Variants in HEATR4 observed in about 807,000 individuals in gnomAD.
HEATR4 encodes the protein HEAT repeat-containing protein 4.
In HEATR4, 95 loss-of-function variants were observed where a neutral mutation model predicts 108.8. The observed-to-expected ratio is 0.87, with a 90% confidence interval of 0.74 to 1.04. HEATR4 has a LOEUF of 1.04. Among genes scored for constraint, HEATR4 ranks in the 50% least tolerant of loss-of-function variants. The pLI, the probability that HEATR4 is intolerant of heterozygous loss-of-function variation, is 0.00. For missense variants in HEATR4, 1,152 were observed against 1,253.8 expected (o/e 0.92, Z 1.23); for synonymous variants, 443 against 459.4 (o/e 0.96, Z 0.46).
At chr14:73,630,919 C>T in the HEATR4 span, among the ~76,000 whole-genome samples, 2 of 152,094 alleles carry the variant, frequency 1.3e-5, no homozygotes, top group Admixed American at 6.6e-5. Flanking sequence ...TGAGCCCCAA[C>T]AATATTTATG....
chr14:73,590,008 G>C, the HEATR4 span, among the ~76,000 whole-genome samples: 1 of 152,174 alleles, frequency 6.6e-6, no homozygotes, highest in African/African-American at 2.4e-5. Flanking sequence ...GAGTGTTACA[G>C]CTCACAACAG....
chr14:73,495,601 C>T (rs532813838), intron 15 of HEATR4, among the ~76,000 whole-genome samples: 1 of 151,524 alleles, frequency 6.6e-6, no homozygotes, highest in South Asian at 2.1e-4. Context: ...AAAGAAGTAA[C>T]TAATTGCATA....
the HEATR4 span, chr14:73,619,971 GCA>G: frequency 8.4e-6 from 9 of 1,071,250 alleles, no homozygotes; most frequent in South Asian, 5.3e-5. Context: ...GAGTGCAGTG[GCA>G]TAATCTTGGC....
At chr14:73,569,475 G>T in the HEATR4 span, 37 of 1,612,898 alleles carry the variant, frequency 2.3e-5, no homozygotes, top group Non-Finnish European at 2.5e-5. Context: ...CTGCTGGGAC[G>T]AACCGGTGCG....
rs751814732 is a variant in HEATR4 at position 73,522,978 on chromosome 14, G to A, written c.175C>T (p.Arg59Cys). Residue 59 changes from arginine to cysteine, a missense_variant, in exon 3 of 18, where the codon CGC becomes TGC. Transcript: ENST00000553558. Reference protein sequence around the residue: ...VFFSSQYRLHRKSQYLKMAAA... With the variant: ...VFFSSQYRLHCKSQYLKMAAA... ...GCCATTTTCAAATATTGGCTCTTGC[G>A]GTGTAGACGGTACTGTGAGCTGAAG... 19 of 1,614,196 alleles carry A rather than the reference G, an allele frequency of 1.2e-5. No homozygotes were observed. The highest frequency in any genetic ancestry group is 7.7e-5 in the South Asian group (7 of 91,088).
intron 17 of HEATR4, among the ~76,000 whole-genome samples, chr14:73,479,708 G>C (rs1885172762): frequency 6.6e-6 from 1 of 152,122 alleles, no homozygotes; most frequent in South Asian, 2.1e-4. Context: ...GGGATTACAG[G>C]CATGAGCCTC....
chr14:73,491,935 T>C (rs1366733978), intron 17 of HEATR4: 1 of 1,613,670 alleles, frequency 6.2e-7, no homozygotes, highest in African/African-American at 1.3e-5. Flanking sequence ...CTTTCTCTAC[T>C]ACTGTGTGGC....
At chr14:73,513,755 A>AAAAAAAAAAT (rs1887416266) in intron 6 of HEATR4, among the ~76,000 whole-genome samples, 1 of 148,656 alleles carries the variant, frequency 6.7e-6, no homozygotes. Context: ...AAAAAAAAAA[A>AAAAAAAAAAT]AATGGTCTCT....
chr14:73,493,052 G>A lies in HEATR4; in HGVS notation c.2844+14C>T, dbSNP rs754494586. 12 of 1,597,008 alleles carry A rather than the reference G, an allele frequency of 7.5e-6. No homozygotes were observed. The highest frequency in any genetic ancestry group is 1.0e-5 in the Non-Finnish European group (12 of 1,174,042). Reference sequence around the variant, plus strand: ...CGTTCTTACCTTGATAAGCATCAGTGTGCTCACATTTACCTTTATCACTGC... The same window carrying A: ...CGTTCTTACCTTGATAAGCATCAGTATGCTCACATTTACCTTTATCACTGC... On this transcript the variant is annotated intron_variant, in intron 17 of 17. Coordinates refer to ENST00000553558, the MANE Select transcript of HEATR4 (RefSeq NM_001220484.1).
chr14:73,605,505 CAAG>C, the HEATR4 span, among the ~76,000 whole-genome samples: 2 of 146,012 alleles, frequency 1.4e-5, no homozygotes, highest in Admixed American at 1.4e-4. Flanking sequence ...ACATCAACCA[CAAG>C]ATTAGAAATC....
At chr14:73,533,881 T>A (rs1366554008) in intron 1 of HEATR4, among the ~76,000 whole-genome samples, 4 of 37,970 alleles carry the variant, frequency 1.1e-4, no homozygotes, top group East Asian at 5.1e-3. Flanking sequence ...ACCCTGTCTC[T>A]AAAAAAAAAA....
the HEATR4 span, among the ~76,000 whole-genome samples, chr14:73,622,010 C>G: frequency 6.6e-6 from 1 of 151,854 alleles, no homozygotes; most frequent in Admixed American, 6.6e-5. Context: ...CGAACTGCCC[C>G]CCTAGGCCTC....
intron 17 of HEATR4, among the ~76,000 whole-genome samples, chr14:73,488,068 T>C (rs1885519663): frequency 6.6e-6 from 1 of 152,170 alleles, no homozygotes; most frequent in Non-Finnish European, 1.5e-5. Flanking sequence ...GTTTGGGGCC[T>C]CAACTTGAGA....
chr14:73,592,659 A>C, the HEATR4 span, among the ~76,000 whole-genome samples: 121,926 of 152,026 alleles, frequency 0.8, 49,731 homozygotes, highest in African/African-American at 0.95. Flanking sequence ...TTGAGACCAG[A>C]CTGGCCAGCA....
chr14:73,480,723 G>A (rs565316232), intron 17 of HEATR4: 1 of 151,934 alleles, frequency 6.6e-6, no homozygotes, highest in South Asian at 2.1e-4. Context: ...GTATTCAGAG[G>A]TAAAAAGAAA....
intron 1 of HEATR4, chr14:73,542,993 C>T (rs1889143365): frequency 8.1e-7 from 1 of 1,238,938 alleles, no homozygotes; most frequent in African/African-American, 1.6e-5. Context: ...GCACAACTCA[C>T]CATATTCCAC....
At chr14:73,591,698 G>A in the HEATR4 span, 2 of 380,312 alleles carry the variant, frequency 5.3e-6, no homozygotes, top group Non-Finnish European at 9.3e-6. Context: ...GGCTTTCTAC[G>A]GGGTGGGTTG....
intron 17 of HEATR4, among the ~76,000 whole-genome samples, chr14:73,480,000 C>G (rs1885182605): frequency 6.6e-6 from 1 of 152,216 alleles, no homozygotes; most frequent in Admixed American, 6.5e-5. Context: ...TATATGTTCA[C>G]TCACACATTT....
the HEATR4 span, among the ~76,000 whole-genome samples, chr14:73,590,041 C>A: frequency 2.6e-5 from 4 of 152,144 alleles, no homozygotes; most frequent in African/African-American, 9.7e-5. Context: ...AAAAACTGAG[C>A]TACCTTTATT....
Sources: gnomAD v4.1 joint callset for allele counts (sites outside exome capture counted in the v4.1 genomes callset) on GRCh38, gnomAD v4.1.1 for gene constraint, MANE v1.5 for transcripts, NCBI Gene and HGNC (gene_info 2026-07-23, HGNC 2026-07-21) for gene names.